RELN: variants seen among roughly 807,000 people sequenced by gnomAD.
RELN encodes the protein reelin.
Under a neutral mutation model 427.6 loss-of-function variants are expected in RELN, and 108 were observed. That is an observed-to-expected ratio of 0.25 (90% confidence interval 0.22 to 0.30). The LOEUF is 0.30. Ranked by LOEUF, RELN falls within the 10% of genes least tolerant of loss-of-function variation. The pLI, the probability that RELN is intolerant of heterozygous loss-of-function variation, is 1.00. For synonymous variants in RELN, 1,524 were observed against 1,513.4 expected (o/e 1.01, Z -0.16); for missense variants, 3,715 against 4,302.8 (o/e 0.86, Z 3.82).
At chr7:103,653,038 T>C (rs574033064) in intron 13 of RELN, among the ~76,000 whole-genome samples, 3 of 152,162 alleles carry the variant, frequency 2.0e-5, no homozygotes, top group East Asian at 3.9e-4. Flanking sequence ...ATAAGGTCTT[T>C]AAGAGTTATC....
In RELN at chr7:103,591,446, TACTC is replaced by T. The variant is rs2117243838; in HGVS notation, c.3913-1622_3913-1619del. Among the ~76,000 whole-genome samples the T allele has an allele frequency of 2.0e-5, 3 of 152,330 alleles. No individual in the cohort carries two copies. The South Asian group carries it at 6.2e-4, about 32-fold the overall frequency. On this transcript the variant is annotated intron_variant, in intron 27 of 64. Transcript: ENST00000428762. Reference sequence around the variant, plus strand: ...AGATTTAGTATCTTCTTTATTTCCATACTCACAGCTAGAAAGCATCTCTCAGAGA... The same window carrying T: ...AGATTTAGTATCTTCTTTATTTCCATACAGCTAGAAAGCATCTCTCAGAGA...
At chr7:103,494,090 G>T (rs1177016635) in intron 57 of RELN, among the ~76,000 whole-genome samples, 1 of 152,060 alleles carries the variant, frequency 6.6e-6, no homozygotes, top group Non-Finnish European at 1.5e-5. Flanking sequence ...CACTCTTAAG[G>T]AACAGGGCTT....
rs145401267 is a variant in RELN at position 103,979,159 on chromosome 7, A to G, written c.226+9972T>C. On this transcript the variant is annotated intron_variant, in intron 1 of 64. Transcript: ENST00000428762. ...AGAACCTCTGTAGGTTCTGAATAGG[A>G]AGCTCTCAGCCTGAATCTCTCCTCG... Among the ~76,000 whole-genome samples the G allele has an allele frequency of 3.3e-3, 508 of 152,348 alleles. 4 individuals are homozygous for G. The highest frequency in any genetic ancestry group is 0.012 in the African/African-American group (481 of 41,572).
chr7:103,825,488 T>C (rs1793114821), intron 3 of RELN, among the ~76,000 whole-genome samples: 1 of 152,156 alleles, frequency 6.6e-6, no homozygotes, highest in South Asian at 2.1e-4. Flanking sequence ...CATAAAATTG[T>C]CTTATTTGGT....
At position 103,540,401 on chromosome 7, in the gene RELN, C is replaced by G. The variant is rs201422815; in HGVS notation, c.6726G>C (p.Arg2242Ser). The G allele has an allele frequency of 1.1e-4, 184 of 1,613,982 alleles. No individual in the cohort carries two copies. In the Admixed American group the frequency reaches 1.6e-3, roughly 14 times the overall value. The change falls in exon 44 of 65, where the codon AGG (arginine) becomes AGC (serine). Residue 2242 changes from arginine (R) to serine (S), a missense_variant. This residue lies in a region of RELN where 1,310 missense variants were observed against 1,643.0 expected (regional missense o/e 0.80). Transcript: ENST00000428762. ...AATACTGTAGGAGCACGGGTTGACT[C>G]CTGGGGTCAGGAACGCCTTTACCAC... ...LGCGKGVPDP[R>S]SQPVLLQYSL...
chr7:103,749,174 T>A (rs1320178515), intron 6 of RELN, among the ~76,000 whole-genome samples: 1 of 151,602 alleles, frequency 6.6e-6, no homozygotes, highest in Non-Finnish European at 1.5e-5. Flanking sequence ...TATGTAAGGA[T>A]ATTGCAAAAC....
intron 1 of RELN, among the ~76,000 whole-genome samples, chr7:103,950,965 G>C (rs1035844731): frequency 1.3e-5 from 2 of 152,190 alleles, no homozygotes; most frequent in African/African-American, 4.8e-5. Context: ...GTCTCGCTCT[G>C]TCGCCCAGGC....
In RELN at chr7:103,898,990, G is replaced by A. The variant is rs570126775; in HGVS notation, c.337+18085C>T. On this transcript the variant is annotated intron_variant, in intron 2 of 64. Transcript: ENST00000428762. ...GTCATGATGGATTATTCTTTAAAAC[G>A]GTGCTTCCCAAACTGTCCCATACAA... is the stretch of plus-strand genomic sequence containing the variant. 2.1e-3 allele frequency among the ~76,000 whole-genome samples: 326 copies of A among 151,912 alleles called. 1 individual carries two copies. The highest frequency in any genetic ancestry group is 7.6e-3 in the African/African-American group (317 of 41,446).
Position 103,710,867 on chromosome 7 carries a change from A to G in RELN, c.806-9861T>C, listed in dbSNP as rs559695856. ...GAGACCATCCTGGCCAACATGGTGA[A>G]ACCCCGTCTCAACTAAAAATAAAAA... On this transcript the variant is annotated intron_variant, in intron 8 of 64. Coordinates refer to ENST00000428762, the MANE Select transcript of RELN (RefSeq NM_005045.4). 5.3e-5 allele frequency among the ~76,000 whole-genome samples: 8 copies of G among 152,152 alleles called. No individual in the cohort carries two copies. The South Asian group carries it at 1.4e-3, about 28-fold the overall frequency.
intron 37 of RELN, 63 bp from the exon 38 acceptor site, chr7:103,557,222 T>C: frequency 7.3e-7 from 1 of 1,364,700 alleles, no homozygotes; most frequent in African/African-American, 1.4e-5. Flanking sequence ...TGGTATGTTC[T>C]TAGCTGAATC....
intron 1 of RELN, among the ~76,000 whole-genome samples, chr7:103,956,675 G>A (rs1796440658): frequency 1.3e-5 from 2 of 152,108 alleles, no homozygotes; most frequent in Admixed American, 1.3e-4. Context: ...TCCCAAAAGG[G>A]GTTATTAGCA....
intron 7 of RELN, among the ~76,000 whole-genome samples, chr7:103,726,562 A>C (rs373480263): frequency 6.6e-6 from 1 of 152,126 alleles, no homozygotes; most frequent in East Asian, 1.9e-4. Context: ...ATCAGGACTA[A>C]ACATACATAG....
rs141190026 is a variant in RELN at position 103,741,865 on chromosome 7, C to T, written c.656+7561G>A. Among the ~76,000 whole-genome samples, 795 of 152,242 alleles carry T rather than the reference C, an allele frequency of 5.2e-3. 8 individuals are homozygous for T. Among genetic ancestry groups the T allele is most frequent in the African/African-American group, 0.018 (760 of 41,540 alleles). On this transcript the variant is annotated intron_variant, in intron 6 of 64. Transcript: ENST00000428762. ...TCCGGTCTACAGCTCCCAGCGTGAG[C>T]GACGCAGAAGATGGGTGATTTCTGC...
At chr7:103,599,413 G>A (rs1024871010) in intron 24 of RELN, among the ~76,000 whole-genome samples, 15 of 152,078 alleles carry the variant, frequency 9.9e-5, no homozygotes. Context: ...GCCCCATTTA[G>A]TCATATGATC....
intron 3 of RELN, among the ~76,000 whole-genome samples, chr7:103,808,382 G>A (rs532650270): frequency 1.7e-3 from 255 of 151,870 alleles, no homozygotes; most frequent in Non-Finnish European, 2.3e-3. Flanking sequence ...TGCATGTTGC[G>A]CACGTGTACC....
chr7:103,475,728 T>C (rs1051580189), intron 64 of RELN, among the ~76,000 whole-genome samples: 9 of 152,114 alleles, frequency 5.9e-5, no homozygotes, highest in Non-Finnish European at 1.0e-4. Flanking sequence ...CATATAATTA[T>C]TTACTTATTA....
At chr7:103,682,042 T>A in intron 11 of RELN, 74 bp downstream of exon 11, 1 of 1,392,702 alleles carries the variant, frequency 7.2e-7, no homozygotes, top group Non-Finnish European at 1.0e-6. Context: ...CATTTAACAA[T>A]ATGCATTTAA....
rs1400004337 is a variant in RELN, at chr7:103,968,075, T to C, written c.226+21056A>G. On this transcript the variant is annotated intron_variant, in intron 1 of 64. Coordinates refer to ENST00000428762, the MANE Select transcript of RELN (RefSeq NM_005045.4). This position sits in a 1 kb window ranked among gnomAD's most constrained non-coding sequence, Gnocchi z 4.3. The stretch of plus-strand genomic sequence containing the variant: ...ATGAATATATATATTTCTCAAAGTA[T>C]ATATTTCTCAAACTTGATGGCAGGA... Among the ~76,000 whole-genome samples the C allele has an allele frequency of 6.6e-6, 1 of 150,482 alleles. No individual in the cohort carries two copies. Among genetic ancestry groups the C allele is most frequent in the African/African-American group, 2.4e-5 (1 of 41,176 alleles).
intron 1 of RELN, among the ~76,000 whole-genome samples, chr7:103,978,056 C>G (rs4321924): frequency 6.6e-6 from 1 of 151,662 alleles, no homozygotes; most frequent in Non-Finnish European, 1.5e-5. Flanking sequence ...ATGAAAACAT[C>G]TATTTATCTT....
Sources: allele counts gnomAD v4.1 joint callset (sites outside exome capture counted in the v4.1 genomes callset), GRCh38; gene constraint gnomAD v4.1.1; regional missense constraint gnomAD v4.1.1; non-coding constraint Gnocchi (gnomAD v3.1); transcripts MANE v1.5; gene names NCBI Gene and HGNC (gene_info 2026-07-23, HGNC 2026-07-21).